KLHL29: variants seen among roughly 807,000 people sequenced by gnomAD.
KLHL29 encodes the protein kelch like family member 29.
KLHL29 carries 21 observed loss-of-function variants against 80.4 expected under a neutral mutation model. That is an observed-to-expected ratio of 0.26 (90% CI 0.19 to 0.38). The LOEUF (loss-of-function observed/expected upper bound fraction) is 0.38. KLHL29 is among the 10% of genes least tolerant of loss of function. The probability of loss-of-function intolerance (pLI) is 1.00; values close to 1 mark genes in which losing one functional copy is unlikely to be tolerated. For missense variants in KLHL29, 867 were observed against 1,223.9 expected, an observed-to-expected ratio of 0.71 and a Z score of 4.35; for synonymous variants, 511 against 526.8, an observed-to-expected ratio of 0.97 and a Z score of 0.41.
At chr2:23,661,707 C>A (rs1344361314) in intron 5 of KLHL29, among the ~76,000 whole-genome samples, 1 of 152,240 alleles carries the variant, frequency 6.6e-6, no homozygotes, top group Non-Finnish European at 1.5e-5. Flanking sequence ...CATGAGCAAC[C>A]CCCAGGCCCA....
intron 2 of KLHL29, among the ~76,000 whole-genome samples, chr2:23,515,846 A>C (rs1379518326): frequency 1.3e-5 from 2 of 152,250 alleles, no homozygotes; most frequent in Non-Finnish European, 2.9e-5. Context: ...GCATCTGAGC[A>C]GAGTGGCTGT....
At chr2:23,386,394 A>C (rs1340966897) in intron 1 of KLHL29, among the ~76,000 whole-genome samples, 1 of 152,072 alleles carries the variant, frequency 6.6e-6, no homozygotes, top group Non-Finnish European at 1.5e-5. Flanking sequence ...TCGGGAGGGA[A>C]CCCGCACAGA....
chr2:23,401,624 G>A (rs918709972), intron 1 of KLHL29, among the ~76,000 whole-genome samples: 5 of 152,172 alleles, frequency 3.3e-5, no homozygotes, highest in East Asian at 1.9e-4. Context: ...CGTTATGCCC[G>A]CTCACATGTA....
At chr2:23,589,678 G>A (rs1475383901) in intron 3 of KLHL29, among the ~76,000 whole-genome samples, 3 of 152,118 alleles carry the variant, frequency 2.0e-5, no homozygotes, top group Admixed American at 6.5e-5. Flanking sequence ...AGAGAAGTAG[G>A]CTTTTCCTCT....
intron 1 of KLHL29, among the ~76,000 whole-genome samples, chr2:23,387,682 C>G (rs780599574): frequency 1.3e-5 from 2 of 152,036 alleles, no homozygotes; most frequent in Admixed American, 6.5e-5. Context: ...GGTTGGCATG[C>G]GTGTATTTGA....
intron 2 of KLHL29, among the ~76,000 whole-genome samples, chr2:23,551,942 C>T (rs1364299716): frequency 6.6e-6 from 1 of 152,244 alleles, no homozygotes; most frequent in Non-Finnish European, 1.5e-5. Flanking sequence ...CTGGGCTTCA[C>T]CCTCTTGCTT....
At chr2:23,454,608 G>A (rs539896512) in intron 1 of KLHL29, among the ~76,000 whole-genome samples, 2 of 151,972 alleles carry the variant, frequency 1.3e-5, no homozygotes, top group African/African-American at 2.4e-5. Flanking sequence ...CAGTTATTTC[G>A]TCAGCTTTTT....
At chr2:23,524,067 C>T in intron 2 of KLHL29, 1 of 471,314 alleles carries the variant, frequency 2.1e-6, no homozygotes. Flanking sequence ...GAAGGCCTTC[C>T]CCATCTAGGG....
At chr2:23,466,382 A>G (rs1664355363) in intron 1 of KLHL29, among the ~76,000 whole-genome samples, 1 of 152,272 alleles carries the variant, frequency 6.6e-6, no homozygotes, top group Non-Finnish European at 1.5e-5. Context: ...GTTAAAGCGA[A>G]GTACAATTTT....
At chr2:23,429,148 A>G (rs139991373) in intron 1 of KLHL29, among the ~76,000 whole-genome samples, 1 of 152,230 alleles carries the variant, frequency 6.6e-6, no homozygotes, top group African/African-American at 2.4e-5. Context: ...ATATGTTCAC[A>G]TACACCCAGG....
At chr2:23,666,776 C>T (rs1670566353) in intron 5 of KLHL29, among the ~76,000 whole-genome samples, 3 of 152,264 alleles carry the variant, frequency 2.0e-5, no homozygotes, top group Admixed American at 6.5e-5. Context: ...AGTGCTCAGC[C>T]ACAGGCTGGC....
intron 2 of KLHL29, among the ~76,000 whole-genome samples, chr2:23,560,591 T>G (rs1413774835): frequency 6.6e-6 from 1 of 152,114 alleles, no homozygotes; most frequent in Non-Finnish European, 1.5e-5. Flanking sequence ...TTAAAAAGAA[T>G]TTTTGTGTCA....
At chr2:23,578,550 A>C (rs1201812974) in intron 3 of KLHL29, among the ~76,000 whole-genome samples, 2 of 152,220 alleles carry the variant, frequency 1.3e-5, no homozygotes, top group Non-Finnish European at 2.9e-5. Context: ...CATCGTCTTC[A>C]TTGTGTGACC....
intron 3 of KLHL29, among the ~76,000 whole-genome samples, chr2:23,630,000 G>A (rs1472165187): frequency 4.6e-5 from 7 of 152,232 alleles, no homozygotes; most frequent in East Asian, 1.9e-4. Flanking sequence ...TTACCGAAAC[G>A]GAGGGGCAGG....
intron 6 of KLHL29, among the ~76,000 whole-genome samples, chr2:23,688,427 A>G (rs1003936525): frequency 3.3e-5 from 5 of 152,206 alleles, no homozygotes; most frequent in African/African-American, 1.2e-4. Context: ...CTGATCTCTG[A>G]GGTGCATGAG....
At chr2:23,698,867 T>C (rs1672172122) in intron 11 of KLHL29, among the ~76,000 whole-genome samples, 1 of 152,112 alleles carries the variant, frequency 6.6e-6, no homozygotes, top group Non-Finnish European at 1.5e-5. Context: ...TCTCAGGAAA[T>C]TCGCATTTGG....
At chr2:23,670,286 G>A (rs1223657513) in intron 5 of KLHL29, 2 of 152,290 alleles carry the variant, frequency 1.3e-5, no homozygotes, top group Admixed American at 1.3e-4. Flanking sequence ...CACAACCTGG[G>A]GGTTGGGAGG....
At chr2:23,633,536 A>G (rs1309932448) in intron 3 of KLHL29, among the ~76,000 whole-genome samples, 1 of 151,024 alleles carries the variant, frequency 6.6e-6, no homozygotes, top group Non-Finnish European at 1.5e-5. Context: ...ATTTTATAAT[A>G]TCTCCCAAAT....
rs1171888669 is a variant in KLHL29, at chr2:23,586,795, CCCCTCT to C, written c.285+24319_285+24324del. ...CCCTCAGCCTCGAGAGGGCTGCCTG[CCCCTCT>C]CCCTTAGCACACGCCGCATTGTAGT... On this transcript the variant is annotated intron_variant, in intron 3 of 13. Transcript: ENST00000486442. Among the ~76,000 whole-genome samples the C allele has an allele frequency of 9.9e-5, 15 of 152,148 alleles. 1 individual carries two copies. The highest frequency in any genetic ancestry group is 2.9e-5 in the Non-Finnish European group (2 of 68,034).
Sources: allele counts gnomAD v4.1 joint callset (sites outside exome capture counted in the v4.1 genomes callset), GRCh38; gene constraint gnomAD v4.1.1; transcripts MANE v1.5; gene names NCBI Gene and HGNC (gene_info 2026-07-23, HGNC 2026-07-21).